RALYL: variants seen among roughly 807,000 people sequenced by gnomAD.
RALYL encodes the protein RNA-binding Raly-like protein.
RALYL carries 29 observed loss-of-function variants against 35.1 expected under a neutral mutation model. The ratio of observed to expected loss-of-function variants is 0.83; its 90% CI spans 0.61 to 1.13. The LOEUF is 1.13. Among genes scored for constraint, RALYL ranks in the 50% most tolerant of loss-of-function variants. The pLI, the probability that RALYL is intolerant of heterozygous loss-of-function variation, is 0.00. For synonymous variants in RALYL, 120 were observed against 127.6 expected, an observed-to-expected ratio of 0.94 and a Z score of 0.40; for missense variants, 359 against 360.4, an observed-to-expected ratio of 1.00 and a Z score of 0.03.
chr8:84,532,943 T>G (rs1452270746), intron 2 of RALYL, among the ~76,000 whole-genome samples: 1 of 152,080 alleles, frequency 6.6e-6, no homozygotes, highest in South Asian at 2.1e-4. Flanking sequence ...TATTCTTAGC[T>G]TCTGTCTTTG....
At chr8:84,524,009 A>G (rs2058685139) in intron 1 of RALYL, among the ~76,000 whole-genome samples, 1 of 152,192 alleles carries the variant, frequency 6.6e-6, no homozygotes, top group East Asian at 1.9e-4. Flanking sequence ...AGCATGATTT[A>G]TAGTTCTTTG....
At chr8:84,337,395 A>G (rs1184889442) in intron 1 of RALYL, among the ~76,000 whole-genome samples, 2 of 151,728 alleles carry the variant, frequency 1.3e-5, no homozygotes, top group Non-Finnish European at 2.9e-5. Context: ...TGTATTTCAG[A>G]TATCTTTAAA....
At chr8:84,357,723 AC>A (rs1439053856) in intron 1 of RALYL, among the ~76,000 whole-genome samples, 2 of 141,796 alleles carry the variant, frequency 1.4e-5, no homozygotes, top group Non-Finnish European at 3.1e-5. Context: ...ATAGATTTTA[AC>A]CTTTTTCCTT....
At chr8:84,770,235 C>T (rs1351854692) in intron 2 of RALYL, among the ~76,000 whole-genome samples, 1 of 152,024 alleles carries the variant, frequency 6.6e-6, no homozygotes, top group East Asian at 1.9e-4. Context: ...TCCATTGTAT[C>T]ATTCTTATGC....
chr8:84,304,263 G>A (rs531302789), intron 1 of RALYL, among the ~76,000 whole-genome samples: 192 of 152,026 alleles, frequency 1.3e-3, no homozygotes, highest in Middle Eastern at 3.4e-3. Flanking sequence ...GACTACAGGC[G>A]CCCGCCACCA....
chr8:84,469,734 C>A (rs555709486), intron 1 of RALYL, among the ~76,000 whole-genome samples: 1 of 152,238 alleles, frequency 6.6e-6, no homozygotes. Context: ...GCCCCTCCCC[C>A]AGCCTAGCTG....
chr8:84,593,771 C>T (rs753642570), intron 2 of RALYL, among the ~76,000 whole-genome samples: 1 of 152,076 alleles, frequency 6.6e-6, no homozygotes, highest in Non-Finnish European at 1.5e-5. Flanking sequence ...AGGAACTCTG[C>T]ATATATTCCT....
Position 84,428,793 on chromosome 8 carries a change from C to G in RALYL, c.-23-100506C>G, listed in dbSNP as rs1422016637. On this transcript the variant is annotated intron_variant, in intron 1 of 8. Coordinates refer to ENST00000521268, the MANE Select transcript of RALYL (RefSeq NM_173848.7). ...TGTATAGTATAATTACCATGGTACC[C>G]TCTACTCTACATTTCCTAATTTATC... Among the ~76,000 whole-genome samples the G allele has an allele frequency of 2.0e-5, 3 of 152,108 alleles. No homozygotes were observed. In the South Asian group the frequency reaches 6.2e-4, roughly 32 times the overall value.
chr8:84,527,610 A>C (rs1003565978), intron 1 of RALYL, among the ~76,000 whole-genome samples: 1 of 152,198 alleles, frequency 6.6e-6, no homozygotes, highest in Non-Finnish European at 1.5e-5. Context: ...AACTGACTCT[A>C]AATTACCTAT....
At chr8:84,723,992 T>C (rs80284403) in intron 2 of RALYL, among the ~76,000 whole-genome samples, 4,125 of 151,894 alleles carry the variant, frequency 0.027, 87 homozygotes, top group Middle Eastern at 0.058. Flanking sequence ...GCTCTGTACC[T>C]GGTTCATAGT....
At chr8:84,874,654 G>A (rs1411606661) in intron 7 of RALYL, among the ~76,000 whole-genome samples, 2 of 152,186 alleles carry the variant, frequency 1.3e-5, no homozygotes, top group African/African-American at 2.4e-5. Context: ...AGCCATACAG[G>A]GCTCAAGAAT....
chr8:84,429,943 G>C (rs2132655515), intron 1 of RALYL, among the ~76,000 whole-genome samples: 1 of 150,878 alleles, frequency 6.6e-6, no homozygotes, highest in East Asian at 2.0e-4. Context: ...CCCAGTTTTT[G>C]CATTTTACTC....
chr8:84,913,841 A>T (rs1299454281), intron 8 of RALYL, among the ~76,000 whole-genome samples: 1 of 151,876 alleles, frequency 6.6e-6, no homozygotes, highest in Non-Finnish European at 1.5e-5. Flanking sequence ...AAAAAAAAGG[A>T]GGGTTATGTA....
At chr8:84,574,643 C>A (rs1162017316) in intron 2 of RALYL, among the ~76,000 whole-genome samples, 1 of 152,074 alleles carries the variant, frequency 6.6e-6, no homozygotes, top group Non-Finnish European at 1.5e-5. Flanking sequence ...TCACATGTTT[C>A]TTGTCTCTGT....
intron 3 of RALYL, among the ~76,000 whole-genome samples, chr8:84,778,381 T>C (rs10110917): frequency 1.3e-5 from 2 of 152,114 alleles, no homozygotes. Flanking sequence ...AAGGCCTTAT[T>C]ATGTGCTAAG....
At chr8:84,853,109 T>C (rs1186854658) in intron 5 of RALYL, among the ~76,000 whole-genome samples, 1 of 152,192 alleles carries the variant, frequency 6.6e-6, no homozygotes, top group Non-Finnish European at 1.5e-5. Flanking sequence ...TAATCTGTTC[T>C]CTTAACCATA....
At chr8:84,423,579 T>A (rs1240716006) in intron 1 of RALYL, among the ~76,000 whole-genome samples, 1 of 152,158 alleles carries the variant, frequency 6.6e-6, no homozygotes, top group Non-Finnish European at 1.5e-5. Flanking sequence ...TGTGTGAATT[T>A]GATCCTGTCA....
intron 2 of RALYL, among the ~76,000 whole-genome samples, chr8:84,677,616 A>T (rs1223094128): frequency 3.3e-5 from 5 of 152,224 alleles, no homozygotes; most frequent in African/African-American, 1.2e-4. Context: ...AATAGAAAAG[A>T]ATAAAGATTG....
intron 1 of RALYL, among the ~76,000 whole-genome samples, chr8:84,472,456 G>C (rs2133731721): frequency 6.6e-6 from 1 of 152,256 alleles, no homozygotes; most frequent in Admixed American, 6.5e-5. Flanking sequence ...GACACGCAAA[G>C]AGAAAATTCT....
Sources: allele counts gnomAD v4.1 joint callset (sites outside exome capture counted in the v4.1 genomes callset), GRCh38; gene constraint gnomAD v4.1.1; transcripts MANE v1.5; gene names NCBI Gene and HGNC (gene_info 2026-07-23, HGNC 2026-07-21).